Variants in ARHGAP11A observed in about 807,000 individuals in gnomAD.
ARHGAP11A encodes the protein rho GTPase-activating protein 11A.
Under a neutral mutation model 60.5 loss-of-function variants are expected in ARHGAP11A, and 36 were observed. The observed-to-expected ratio is 0.59, with a 90% confidence interval of 0.46 to 0.79. The LOEUF is 0.79. Among genes scored for constraint, ARHGAP11A ranks in the 30% least tolerant of loss-of-function variants. The probability of loss-of-function intolerance (pLI) is 0.00; values close to 1 mark genes in which losing one functional copy is unlikely to be tolerated. For missense variants in ARHGAP11A, 1,071 were observed against 1,199.2 expected (o/e 0.89, Z 1.58); for synonymous variants, 362 against 415.5 (o/e 0.87, Z 1.57).
rs1056934608 is a variant in ARHGAP11A at position 32,639,080 on chromosome 15, T to C, written c.*1235T>C. 2 of 152,690 alleles carry C rather than the reference T, an allele frequency of 1.3e-5. No homozygotes were observed. The highest frequency in any genetic ancestry group is 4.8e-5 in the African/African-American group (2 of 41,476). 9.5% of individuals were successfully genotyped at this position (152,690 alleles called of 1,614,324 possible). ...GGCTCTCATGAAATTCAAAGTGCCATTTAGAACATGCACCAAATTGTCAAG... is the reference window on the plus strand; with the variant it reads ...GGCTCTCATGAAATTCAAAGTGCCACTTAGAACATGCACCAAATTGTCAAG... On this transcript the variant is annotated 3_prime_UTR_variant, in exon 12 of 12. Coordinates refer to ENST00000361627, the MANE Select transcript of ARHGAP11A (RefSeq NM_014783.6).
intron 2 of ARHGAP11A, among the ~76,000 whole-genome samples, chr15:32,622,086 C>G (rs1348497282): frequency 1.3e-5 from 2 of 152,430 alleles, no homozygotes; most frequent in Non-Finnish European, 2.9e-5. Flanking sequence ...TTTAAATGAC[C>G]TATGAAAGGC....
At position 32,636,902 on chromosome 15, in the gene ARHGAP11A, ATTAT is replaced by A. The variant is rs746725915; in HGVS notation, c.2133_2136del (p.Tyr711Ter). Reference sequence around the variant, plus strand: ...GACATTCATTCAAATATGCCAAAAGATTATTTAAGCAAGCAAGAATTCTCCAGTG... The same window carrying A: ...GACATTCATTCAAATATGCCAAAAGATTAAGCAAGCAAGAATTCTCCAGTG... On this transcript the variant is annotated frameshift_variant, in exon 12 of 12. Transcript: ENST00000361627. LOFTEE classifies it low-confidence loss of function (END_TRUNC). 9 of 1,613,328 alleles carry A rather than the reference ATTAT, an allele frequency of 5.6e-6. No homozygotes were observed. The highest frequency in any genetic ancestry group is 1.3e-5 in the African/African-American group (1 of 74,902).
At chr15:32,636,138 T>C in intron 11 of ARHGAP11A, 119 bp from the exon 12 acceptor site, 1 of 1,423,996 alleles carries the variant, frequency 7.0e-7, no homozygotes, top group Non-Finnish European at 9.2e-7. Flanking sequence ...AAATTATTTC[T>C]TGTAACACAA....
chr15:32,626,138 T>C (rs2053453724), intron 6 of ARHGAP11A, among the ~76,000 whole-genome samples: 2 of 151,844 alleles, frequency 1.3e-5, no homozygotes, highest in Admixed American at 1.3e-4. Flanking sequence ...TGGGTGTTGG[T>C]GAATCATTGA....
intron 9 of ARHGAP11A, among the ~76,000 whole-genome samples, chr15:32,633,715 AACTG>A (rs1476879136): frequency 1.3e-5 from 2 of 152,344 alleles, no homozygotes; most frequent in South Asian, 2.1e-4. Context: ...TCTGAGTTAT[AACTG>A]ACTGACTAAC....
chr15:32,633,964 C>T lies in ARHGAP11A; in HGVS notation c.1267C>T (p.Pro423Ser), dbSNP rs1347626253. ...VESGKAGCFS[P>S]KISHKEKVRR... ...ATCAGGAAAAGCAGGCTGCTTTTCT[C>T]CTAAAATCAGCCATAAAGAAAAGGT... The change falls in exon 10 of 12, where the codon CCT becomes TCT. Residue 423 changes from proline (P) to serine (S), a missense_variant. Transcript: ENST00000361627. 5.6e-6 allele frequency: 9 copies of T among 1,604,434 alleles called. No homozygotes were observed. Among genetic ancestry groups the T allele is most frequent in the South Asian group, 4.5e-5 (4 of 88,514 alleles).
chr15:32,634,191 T>C (rs1362165268), intron 10 of ARHGAP11A, 150 bp downstream of exon 10: 5 of 608,998 alleles, frequency 8.2e-6, no homozygotes, highest in African/African-American at 1.9e-5. Flanking sequence ...GATATCAAAT[T>C]TCCTTGCATT....
intron 9 of ARHGAP11A, 148 bp downstream of exon 9, chr15:32,633,256 C>A: frequency 1.2e-6 from 1 of 843,660 alleles, no homozygotes; most frequent in Non-Finnish European, 1.8e-6. Context: ...TAATCAATTG[C>A]CTTTTCAATA....
At chr15:32,628,867 A>G in intron 7 of ARHGAP11A, 65 bp downstream of exon 7, 2 of 1,162,418 alleles carry the variant, frequency 1.7e-6, no homozygotes, top group Non-Finnish European at 2.3e-6. Flanking sequence ...AAATACAATT[A>G]CAATAATAAT....
chr15:32,616,089 A>G lies in ARHGAP11A; in HGVS notation c.-123A>G. ...CGGGGGTCGGGGCCGCAGAAGTGCC[A>G]GACGGGGCCGGAAAGCAGCCGAGCG... On this transcript the variant is annotated 5_prime_UTR_variant, in exon 1 of 12. Coordinates refer to ENST00000361627, the MANE Select transcript of ARHGAP11A (RefSeq NM_014783.6). The G allele has an allele frequency of 6.9e-7, 1 of 1,442,740 alleles. No homozygotes were observed. The highest frequency in any genetic ancestry group is 9.3e-7 in the Non-Finnish European group (1 of 1,079,736). 89.4% of individuals were successfully genotyped at this position (1,442,740 alleles called of 1,614,324 possible).
chr15:32,636,984 A>G lies in ARHGAP11A; in HGVS notation c.2211A>G (p.Leu737=). ...QSPKDKLNNK[L]KENENMMEGN... is the part of the protein sequence containing the mutation. Reference sequence around the variant, plus strand: ...CAAAGGATAAACTAAATAATAAATTAAAAGAGAATGAGAATATGATGGAAG... The same window carrying G: ...CAAAGGATAAACTAAATAATAAATTGAAAGAGAATGAGAATATGATGGAAG... Residue 737 remains leucine (L), a synonymous_variant, in exon 12 of 12, where the codon TTA becomes TTG. Coordinates refer to ENST00000361627, the MANE Select transcript of ARHGAP11A (RefSeq NM_014783.6). 1 of 1,610,452 alleles carries G rather than the reference A, an allele frequency of 6.2e-7. No individual in the cohort carries two copies. Among genetic ancestry groups the G allele is most frequent in the Non-Finnish European group, 8.5e-7 (1 of 1,179,132 alleles).
At position 32,624,353 on chromosome 15, in the gene ARHGAP11A, T is replaced by C. The variant is rs755681554; in HGVS notation, c.478T>C (p.Ser160Pro). 3.7e-6 allele frequency: 6 copies of C among 1,613,850 alleles called. No homozygotes were observed. Among genetic ancestry groups the C allele is most frequent in the Non-Finnish European group, 5.1e-6 (6 of 1,179,880 alleles). ...AAAGAATAAAGCTACACTGTTGCTC[T>C]CCTGTCTTCTGGCTGACCACACAGT... Reference protein sequence around the residue: ...EEKNKATLLLSCLLADHTVHV... With the variant: ...EEKNKATLLLPCLLADHTVHV... The change falls in exon 4 of 12, where the codon TCC becomes CCC. Residue 160 changes from serine to proline, a missense_variant. Ser to Pro is a moderately conservative substitution (Grantham distance 74). Coordinates refer to ENST00000361627, the MANE Select transcript of ARHGAP11A (RefSeq NM_014783.6).
chr15:32,616,335 A>G lies in ARHGAP11A; in HGVS notation c.124A>G (p.Ile42Val), dbSNP rs1297000397. 6 of 1,613,950 alleles carry G rather than the reference A, an allele frequency of 3.7e-6. No homozygotes were observed. Among genetic ancestry groups the G allele is most frequent in the Non-Finnish European group, 5.1e-6 (6 of 1,179,974 alleles). Reference protein sequence around the residue: ...RRRHETAATEIGGKIFGVPFN... With the variant: ...RRRHETAATEVGGKIFGVPFN... ...GAGACATGAAACAGCAGCCACGGAA[A>G]TAGGGGTAAGTTCTGTGAAAAGGGA... The change falls in exon 1 of 12, where the codon ATA becomes GTA. Residue 42 changes from isoleucine to valine, a missense_variant. Around this residue, in one of 4 missense-constraint regions of ARHGAP11A, gnomAD observed 71 missense variants for 142.4 expected, o/e 0.50. Transcript: ENST00000361627.
At position 32,636,648 on chromosome 15, in the gene ARHGAP11A, GA is replaced by G; in HGVS notation, c.1878del (p.Val627Ter). 6.2e-7 allele frequency: 1 copy of G among 1,613,820 alleles called. No homozygotes were observed. The highest frequency in any genetic ancestry group is 8.5e-7 in the Non-Finnish European group (1 of 1,179,924). On this transcript the variant is annotated frameshift_variant, in exon 12 of 12. Coordinates refer to ENST00000361627, the MANE Select transcript of ARHGAP11A (RefSeq NM_014783.6). LOFTEE classifies it low-confidence loss of function (END_TRUNC). ...GGCAGTCATCAGTAACTAATGTGGGGAAAGTAAAATTAACTGAACCATCTTA... is the reference window on the plus strand; with the variant it reads ...GGCAGTCATCAGTAACTAATGTGGGGAAGTAAAATTAACTGAACCATCTTA... ...QRQSSVTNVG[K>X]VKLTEPSYLE... is the part of the protein sequence containing the mutation.
At chr15:32,632,290 G>A (rs1567057388) in intron 8 of ARHGAP11A, among the ~76,000 whole-genome samples, 2 of 152,008 alleles carry the variant, frequency 1.3e-5, no homozygotes, top group African/African-American at 2.4e-5. Flanking sequence ...GTTTACTATA[G>A]TTGATTTCAT....
Position 32,637,742 on chromosome 15 carries a change from T to C in ARHGAP11A, c.2969T>C (p.Leu990Pro). The C allele has an allele frequency of 6.2e-7, 1 of 1,614,196 alleles. No homozygotes were observed. Residue 990 changes from leucine (L) to proline (P), a missense_variant, in exon 12 of 12, where the codon CTT becomes CCT. By Grantham distance (98) the Leu-to-Pro change is moderately conservative (BLOSUM62 -3). Transcript: ENST00000361627. ...GISSGINNRV[L>P]RRPSERGRAW... ...TCTTCTGGGATAAATAACAGGGTCC[T>C]TAGGAGACCATCAGAAAGAGGAAGG...
intron 1 of ARHGAP11A, among the ~76,000 whole-genome samples, chr15:32,619,485 C>T (rs2053244569): frequency 6.6e-6 from 1 of 151,984 alleles, no homozygotes; most frequent in African/African-American, 2.4e-5. Flanking sequence ...AATGGGTTTC[C>T]AGCTAGTTAA....
chr15:32,621,821 C>CAAAAAAAAAAAAAAA (rs376053100), intron 2 of ARHGAP11A, among the ~76,000 whole-genome samples: 2 of 120,908 alleles, frequency 1.7e-5, no homozygotes, highest in Non-Finnish European at 1.9e-5. Flanking sequence ...GACTCCGTCT[C>CAAAAAAAAAAAAAAA]AAAAAAAAAA....
intron 11 of ARHGAP11A, 61 bp downstream of exon 11, chr15:32,635,976 A>G (rs2053703728): frequency 6.0e-6 from 9 of 1,510,172 alleles, no homozygotes; most frequent in Non-Finnish European, 7.1e-6. Context: ...TGCTTTTTTA[A>G]TGGCAAAACA....
Sources: allele counts gnomAD v4.1 joint callset (sites outside exome capture counted in the v4.1 genomes callset), GRCh38; gene constraint gnomAD v4.1.1; regional missense constraint gnomAD v4.1.1; transcripts MANE v1.5; gene names NCBI Gene and HGNC (gene_info 2026-07-23, HGNC 2026-07-21).